Variants in KCNK1 observed in about 807,000 individuals in gnomAD.
KCNK1 encodes the protein potassium channel subfamily K member 1.
KCNK1 carries 10 observed loss-of-function variants against 22.2 expected under a neutral mutation model. The observed-to-expected ratio is 0.45, with a 90% CI of 0.28 to 0.76. KCNK1 has a LOEUF of 0.76. KCNK1 is among the 30% of genes least tolerant of loss of function. The pLI, the probability that KCNK1 is intolerant of heterozygous loss-of-function variation, is 0.14. For missense variants in KCNK1, 378 were observed against 421.0 expected (o/e 0.90, Z 0.89); for synonymous variants, 200 against 186.4 (o/e 1.07, Z -0.60).
intron 1 of KCNK1, among the ~76,000 whole-genome samples, chr1:233,622,739 C>T (rs1348748373): frequency 1.3e-5 from 2 of 152,166 alleles, no homozygotes; most frequent in East Asian, 3.8e-4. Flanking sequence ...ATCAGAAGGG[C>T]TTATCTGTGA....
At chr1:233,661,601 T>G (rs1658394656) in intron 1 of KCNK1, among the ~76,000 whole-genome samples, 1 of 152,184 alleles carries the variant, frequency 6.6e-6, no homozygotes, top group South Asian at 2.1e-4. Context: ...GTAGCCCACT[T>G]TCATTCTGTC....
chr1:233,648,894 A>C (rs990175500), intron 1 of KCNK1, among the ~76,000 whole-genome samples: 5 of 152,090 alleles, frequency 3.3e-5, no homozygotes, highest in Admixed American at 1.3e-4. Context: ...TGCTCAAGTC[A>C]CATGTCCTTT....
At chr1:233,632,431 A>G (rs1487890919) in intron 1 of KCNK1, among the ~76,000 whole-genome samples, 2 of 152,228 alleles carry the variant, frequency 1.3e-5, no homozygotes, top group Admixed American at 1.3e-4. Flanking sequence ...TAATGAACTA[A>G]TGAACCTCAG....
intron 1 of KCNK1, among the ~76,000 whole-genome samples, chr1:233,623,427 G>C (rs902704153): frequency 2.0e-5 from 3 of 152,078 alleles, no homozygotes; most frequent in African/African-American, 7.2e-5. Context: ...TAAAAGAAAG[G>C]TATTAAATGT....
At chr1:233,649,797 A>G (rs893620696) in intron 1 of KCNK1, 6 of 374,706 alleles carry the variant, frequency 1.6e-5, no homozygotes, top group Non-Finnish European at 2.7e-5. Context: ...GCTTTAACAT[A>G]TGAATCTGGA....
intron 1 of KCNK1, among the ~76,000 whole-genome samples, chr1:233,659,520 A>T (rs1658355306): frequency 6.6e-6 from 1 of 151,650 alleles, no homozygotes; most frequent in Admixed American, 6.6e-5. Flanking sequence ...ATTAGTAAAA[A>T]ATTGTAACTA....
At chr1:233,621,529 C>CT (rs1657586235) in intron 1 of KCNK1, among the ~76,000 whole-genome samples, 2 of 152,070 alleles carry the variant, frequency 1.3e-5, no homozygotes, top group African/African-American at 4.8e-5. Flanking sequence ...TTTTAGAGCG[C>CT]AATATAGTAA....
intron 1 of KCNK1, chr1:233,631,248 C>T (rs1458182833): frequency 1.9e-6 from 1 of 530,086 alleles, no homozygotes; most frequent in Non-Finnish European, 3.9e-6. Context: ...TTTCCCTTTG[C>T]CACCAGGTGC....
intron 1 of KCNK1, among the ~76,000 whole-genome samples, chr1:233,643,895 C>T (rs1302041125): frequency 6.6e-6 from 1 of 152,030 alleles, no homozygotes; most frequent in Non-Finnish European, 1.5e-5. Context: ...CAAAAATTAC[C>T]CGGGGTCCCA....
At chr1:233,666,084 T>C (rs1003448089) in intron 1 of KCNK1, among the ~76,000 whole-genome samples, 1 of 152,244 alleles carries the variant, frequency 6.6e-6, no homozygotes, top group African/African-American at 2.4e-5. Context: ...CATATTATCT[T>C]GGTTCTATTC....
chr1:233,641,702 T>A (rs1296365411), intron 1 of KCNK1, among the ~76,000 whole-genome samples: 1 of 152,122 alleles, frequency 6.6e-6, no homozygotes, highest in Admixed American at 6.6e-5. Context: ...ATGAGACAGA[T>A]CCCTGTAACA....
At chr1:233,625,774 A>C (rs922911129) in intron 1 of KCNK1, among the ~76,000 whole-genome samples, 11 of 152,146 alleles carry the variant, frequency 7.2e-5, no homozygotes, top group Admixed American at 6.5e-5. Flanking sequence ...ACTTACGTAA[A>C]GAGTGAGAGG....
intron 1 of KCNK1, among the ~76,000 whole-genome samples, chr1:233,639,102 G>T (rs745809558): frequency 5.9e-5 from 9 of 152,152 alleles, no homozygotes; most frequent in Non-Finnish European, 1.3e-4. Context: ...AAAAACAGAT[G>T]AATATATAGG....
intron 1 of KCNK1, among the ~76,000 whole-genome samples, chr1:233,650,376 C>T (rs1157537440): frequency 6.6e-6 from 1 of 152,124 alleles, no homozygotes; most frequent in Non-Finnish European, 1.5e-5. Flanking sequence ...TTAATAACAT[C>T]TGTTAGTGTG....
chr1:233,634,572 GA>G (rs763637183), intron 1 of KCNK1, among the ~76,000 whole-genome samples: 3 of 152,160 alleles, frequency 2.0e-5, no homozygotes, highest in Non-Finnish European at 2.9e-5. Context: ...GTCCCGGATG[GA>G]GGCTGTTGGA....
chr1:233,649,979 G>T (rs1398312142), intron 1 of KCNK1: 1 of 533,462 alleles, frequency 1.9e-6, no homozygotes, highest in Admixed American at 1.9e-5. Context: ...TTAGAAGATT[G>T]TTGAATCTGG....
At chr1:233,620,453 C>A (rs1450484104) in intron 1 of KCNK1, among the ~76,000 whole-genome samples, 1 of 152,164 alleles carries the variant, frequency 6.6e-6, no homozygotes, top group Non-Finnish European at 1.5e-5. Flanking sequence ...CAACCACTTT[C>A]AAAACAAATG....
At chr1:233,637,918 C>T (rs1308465943) in intron 1 of KCNK1, among the ~76,000 whole-genome samples, 2 of 151,194 alleles carry the variant, frequency 1.3e-5, no homozygotes, top group East Asian at 3.9e-4. Context: ...TTTGAAGACT[C>T]AGTAGTATAT....
chr1:233,626,741 A>G (rs918532652), intron 1 of KCNK1, among the ~76,000 whole-genome samples: 13 of 152,190 alleles, frequency 8.5e-5, no homozygotes, highest in Non-Finnish European at 1.6e-4. Flanking sequence ...CTAAACTGTA[A>G]TATTGTTTTC....
Sources: allele counts gnomAD v4.1 joint callset (sites outside exome capture counted in the v4.1 genomes callset), GRCh38; gene constraint gnomAD v4.1.1; transcripts MANE v1.5; gene names NCBI Gene and HGNC (gene_info 2026-07-23, HGNC 2026-07-21).